ASCC3: variants seen among roughly 807,000 people sequenced by gnomAD.
ASCC3 encodes the protein activating signal cointegrator 1 complex subunit 3.
ASCC3 carries 158 observed loss-of-function variants against 256.3 expected under a neutral mutation model. The observed-to-expected ratio is 0.62, with a 90% CI of 0.54 to 0.70. The LOEUF is 0.70. Among genes scored for constraint, ASCC3 ranks in the 30% least tolerant of loss-of-function variants. The pLI is 0.00. For synonymous variants in ASCC3, 948 were observed against 883.4 expected, an observed-to-expected ratio of 1.07 and a Z score of -1.30; for missense variants, 2,259 against 2,626.0, an observed-to-expected ratio of 0.86 and a Z score of 3.05.
At chr6:100,840,325 AAG>A (rs1772077505) in intron 4 of ASCC3, among the ~76,000 whole-genome samples, 1 of 151,932 alleles carries the variant, frequency 6.6e-6, no homozygotes, top group South Asian at 2.1e-4. Context: ...TATTTAGCAT[AAG>A]AGTCTTTTTG....
At chr6:100,634,454 G>A (rs971201550) in intron 25 of ASCC3, among the ~76,000 whole-genome samples, 1 of 152,098 alleles carries the variant, frequency 6.6e-6, no homozygotes, top group Non-Finnish European at 1.5e-5. Flanking sequence ...ATCCATCGGG[G>A]TTTTGGAATG....
intron 36 of ASCC3, among the ~76,000 whole-genome samples, chr6:100,552,426 T>C (rs896740887): frequency 2.0e-5 from 3 of 152,042 alleles, no homozygotes; most frequent in Admixed American, 6.6e-5. Flanking sequence ...AATTTATATG[T>C]GATTGCATCA....
At chr6:100,568,759 A>ATTG (rs1210128721) in intron 36 of ASCC3, among the ~76,000 whole-genome samples, 3 of 116,094 alleles carry the variant, frequency 2.6e-5, no homozygotes, top group Non-Finnish European at 4.7e-5. Flanking sequence ...ATAAATTATT[A>ATTG]TTATTATTAT....
chr6:100,683,161 T>G (rs1777389494), intron 13 of ASCC3, among the ~76,000 whole-genome samples: 1 of 152,158 alleles, frequency 6.6e-6, no homozygotes. Context: ...ATCAGGAAAT[T>G]TTAAGGTATT....
At chr6:100,655,172 G>C (rs80029899) in intron 17 of ASCC3, among the ~76,000 whole-genome samples, 1 of 151,832 alleles carries the variant, frequency 6.6e-6, no homozygotes, top group Non-Finnish European at 1.5e-5. Flanking sequence ...GAAGTTCATA[G>C]GAAGAACTGC....
Sources: gnomAD v4.1 joint callset for allele counts (sites outside exome capture counted in the v4.1 genomes callset) on GRCh38, gnomAD v4.1.1 for gene constraint, MANE v1.5 for transcripts, NCBI Gene and HGNC (gene_info 2026-07-23, HGNC 2026-07-21) for gene names.